Variants in ARPC3 observed in about 807,000 individuals in gnomAD.
ARPC3 encodes the protein actin-related protein 2/3 complex subunit 3.
In ARPC3, 12 loss-of-function variants were observed where a neutral mutation model predicts 27.6. That is an observed-to-expected ratio of 0.43 (90% CI 0.28 to 0.70). The LOEUF (loss-of-function observed/expected upper bound fraction) is 0.70. ARPC3 is among the 30% of genes least tolerant of loss of function. The pLI is 0.17. For missense variants in ARPC3, 153 were observed against 207.7 expected (o/e 0.74, Z 1.62); for synonymous variants, 53 against 67.2 (o/e 0.79, Z 1.03).
At chr12:110,439,403 AC>A (rs1219583119) in intron 3 of ARPC3, among the ~76,000 whole-genome samples, 1 of 152,196 alleles carries the variant, frequency 6.6e-6, no homozygotes, top group South Asian at 2.1e-4. Context: ...AACTTAACCC[AC>A]ACATGAGATA....
intron 3 of ARPC3, among the ~76,000 whole-genome samples, chr12:110,439,119 G>A (rs938683924): frequency 6.6e-6 from 1 of 151,816 alleles, no homozygotes; most frequent in Non-Finnish European, 1.5e-5. Context: ...CCGAGTAGCT[G>A]GGATTACAGG....
intron 2 of ARPC3, among the ~76,000 whole-genome samples, chr12:110,440,755 C>T (rs979930192): frequency 2.0e-5 from 3 of 151,100 alleles, no homozygotes; most frequent in Non-Finnish European, 2.9e-5. Context: ...ACCATGTTAG[C>T]CAGGATGGTC....
At position 110,434,847 on chromosome 12, in the gene ARPC3, C is replaced by A; in HGVS notation, c.*308G>T. On this transcript the variant is annotated 3_prime_UTR_variant, in exon 7 of 7. Coordinates refer to ENST00000228825, the MANE Select transcript of ARPC3 (RefSeq NM_001278556.2). ...GGGCATTATGGAATGTGAATTTTATCTCAAAACAAATTGTAAGTGAATGTC... is the reference window on the plus strand; with the variant it reads ...GGGCATTATGGAATGTGAATTTTATATCAAAACAAATTGTAAGTGAATGTC... The A allele has an allele frequency of 1.9e-6, 1 of 524,442 alleles. No individual in the cohort carries two copies. Among genetic ancestry groups the A allele is most frequent in the Middle Eastern group, 2.9e-4 (1 of 3,420 alleles). The allele number at this position is 524,442 out of a possible 1,614,324, so 32.5% of individuals were successfully genotyped here.
intron 1 of ARPC3, 141 bp downstream of exon 1, chr12:110,450,114 G>C (rs2062492901): frequency 1.6e-6 from 2 of 1,269,046 alleles, no homozygotes; most frequent in Non-Finnish European, 2.3e-6. Context: ...TCAGCAACCG[G>C]TCCCCTCCCC....
intron 1 of ARPC3, among the ~76,000 whole-genome samples, chr12:110,446,665 G>A (rs1190800568): frequency 2.8e-5 from 4 of 143,384 alleles, no homozygotes; most frequent in African/African-American, 1.0e-4. Context: ...ATGGAGTGCG[G>A]TGGCGCGATC....
At position 110,439,465 on chromosome 12, in the gene ARPC3, C is replaced by T. The variant is rs149720968; in HGVS notation, c.183+847G>A. On this transcript the variant is annotated intron_variant, in intron 3 of 6. Transcript: ENST00000228825. The stretch of plus-strand genomic sequence containing the variant: ...GAATGTTTAGACTACAATTTGTACA[C>T]CAAGAGTCTACAAATAAATAATTCA... Among the ~76,000 whole-genome samples, 1,029 of 152,230 alleles carry T rather than the reference C, an allele frequency of 6.8e-3. 5 individuals are homozygous for T. The highest frequency in any genetic ancestry group is 9.5e-3 in the Non-Finnish European group (649 of 68,006).
rs769285719 is a variant in ARPC3, at chr12:110,445,580, G to GA, written c.7-30dup. 12 of 1,519,650 alleles carry GA rather than the reference G, an allele frequency of 7.9e-6. No homozygotes were observed. In the East Asian group the frequency reaches 2.7e-4, roughly 34 times the overall value. 94.1% of individuals were successfully genotyped at this position (1,519,650 alleles called of 1,614,324 possible). The stretch of plus-strand genomic sequence containing the variant: ...TAATGGCAAGCCCAGGAAGAACACA[G>GA]AAGCAGAAAAAGAGCAAATGTCACT... On this transcript the variant is annotated intron_variant, in intron 1 of 6. Transcript: ENST00000228825.
At chr12:110,445,108 T>C (rs577076405) in intron 2 of ARPC3, 1 of 270,120 alleles carries the variant, frequency 3.7e-6, no homozygotes, top group South Asian at 4.1e-5. Flanking sequence ...ATATTTGTTG[T>C]TGTTCTTTTC....
intron 3 of ARPC3, among the ~76,000 whole-genome samples, chr12:110,437,792 ATATGGTTG>A (rs1364597657): frequency 3.9e-5 from 6 of 152,130 alleles, no homozygotes; most frequent in Non-Finnish European, 7.4e-5. Flanking sequence ...GAACTGCTCC[ATATGGTTG>A]GCTAATTTTT....
chr12:110,437,207 G>A, intron 3 of ARPC3, 55 bp from the exon 4 acceptor site: 2 of 1,132,436 alleles, frequency 1.8e-6, no homozygotes, highest in Non-Finnish European at 2.7e-6. Context: ...ACAATGATGT[G>A]CAATGTATGC....
At chr12:110,442,548 C>CT (rs1308145812) in intron 2 of ARPC3, 1 of 152,102 alleles carries the variant, frequency 6.6e-6, no homozygotes, top group Non-Finnish European at 1.5e-5. Context: ...GCAGAGGTTG[C>CT]AGTGAGCTGA....
Position 110,436,749 on chromosome 12 carries a change from CACACAT to C in ARPC3, c.253-72_253-67del, listed in dbSNP as rs1259698204. ...ACACACACACACACACACACACACACACACATATTTTACAGGGAAAAGAAGAATTCT... is the reference window on the plus strand; with the variant it reads ...ACACACACACACACACACACACACACATTTTACAGGGAAAAGAAGAATTCT... On this transcript the variant is annotated intron_variant, in intron 4 of 6. Transcript: ENST00000228825. 193 of 1,100,544 alleles carry C rather than the reference CACACAT, an allele frequency of 1.8e-4. No individual in the cohort carries two copies. In the African/African-American group the frequency reaches 2.9e-3, roughly 16 times the overall value. 68.2% of individuals were successfully genotyped at this position (1,100,544 alleles called of 1,614,324 possible).
At position 110,437,329 on chromosome 12, in the gene ARPC3, GC is replaced by G. The variant is rs1051315293; in HGVS notation, c.184-178del. The stretch of plus-strand genomic sequence containing the variant: ...GTCTCCTCAGTCTCCTTTTCCGTCT[GC>G]CCCTGGGAGGAAGGCACAAGCCCCA... On this transcript the variant is annotated intron_variant, in intron 3 of 6. Transcript: ENST00000228825. 2.4e-5 allele frequency: 14 copies of G among 589,700 alleles called. No individual in the cohort carries two copies. In the African/African-American group the frequency reaches 2.4e-4, roughly 10 times the overall value. The allele number at this position is 589,700 out of a possible 1,614,324, so 36.5% of individuals were successfully genotyped here. A position where few individuals can be genotyped will look rare whatever the true frequency, so the allele number is the denominator to read the frequency against.
chr12:110,449,501 G>A (rs2062487513), intron 1 of ARPC3, among the ~76,000 whole-genome samples: 1 of 152,134 alleles, frequency 6.6e-6, no homozygotes, highest in African/African-American at 2.4e-5. Flanking sequence ...GGTGGAAGTT[G>A]TAGTGAGCCG....
chr12:110,435,268 A>G (rs768904676), intron 6 of ARPC3, 51 bp from the exon 7 acceptor site: 1 of 1,365,138 alleles, frequency 7.3e-7, no homozygotes, highest in South Asian at 1.2e-5. Flanking sequence ...ATTACAATAG[A>G]ATTTGCATTT....
intron 2 of ARPC3, chr12:110,442,642 TAAAATA>T (rs987315566): frequency 1.6e-4 from 24 of 151,588 alleles, no homozygotes; most frequent in African/African-American, 5.6e-4. Flanking sequence ...TATAATTAAA[TAAAATA>T]AAAAGTATTC....
intron 2 of ARPC3, chr12:110,443,044 T>G (rs1350190979): frequency 6.6e-6 from 1 of 152,194 alleles, no homozygotes; most frequent in Non-Finnish European, 1.5e-5. Flanking sequence ...TGCAATTCAG[T>G]TGTCTTCATC....
At chr12:110,441,925 G>C (rs2062439625) in intron 2 of ARPC3, among the ~76,000 whole-genome samples, 1 of 151,422 alleles carries the variant, frequency 6.6e-6, no homozygotes, top group Non-Finnish European at 1.5e-5. Flanking sequence ...CCAGCTATTC[G>C]GGAGGCTAAG....
chr12:110,442,176 A>AT (rs1278539162), intron 2 of ARPC3, among the ~76,000 whole-genome samples: 1 of 152,038 alleles, frequency 6.6e-6, no homozygotes, highest in Non-Finnish European at 1.5e-5. Context: ...CAAAAAAAAA[A>AT]TTTTTAATTG....
Sources: gnomAD v4.1 joint callset for allele counts (sites outside exome capture counted in the v4.1 genomes callset) on GRCh38, gnomAD v4.1.1 for gene constraint, MANE v1.5 for transcripts, NCBI Gene and HGNC (gene_info 2026-07-23, HGNC 2026-07-21) for gene names.